The following ANKS1B variants were observed in gnomAD, a reference collection of about 807,000 sequenced individuals.
ANKS1B encodes ankyrin repeat and sterile alpha motif domain containing 1B, also known as ankyrin repeat and sterile alpha motif domain-containing protein 1B.
A neutral mutation model predicts 148.3 loss-of-function variants in ANKS1B; 36 were observed. The ratio of observed to expected loss-of-function variants is 0.24; its 90% CI spans 0.19 to 0.32. ANKS1B has a LOEUF of 0.32. Among genes scored for constraint, ANKS1B ranks in the 10% least tolerant of loss-of-function variants. The pLI, the probability that ANKS1B is intolerant of heterozygous loss-of-function variation, is 1.00. For synonymous variants in ANKS1B, 542 were observed against 560.8 expected (o/e 0.97, Z 0.47); for missense variants, 1,157 against 1,542.6 (o/e 0.75, Z 4.19).
In ANKS1B at chr12:98,860,545, C is replaced by T. The variant is rs2099593904; in HGVS notation, c.2779-28409G>A. ...GACATTATAAGCCCGTCAATGGAAG[C>T]AGAGAGCCACACCATTAATGGTGGA... On this transcript the variant is annotated intron_variant, in intron 17 of 26. Transcript: ENST00000683438. Among the ~76,000 whole-genome samples the T allele has an allele frequency of 2.0e-5, 3 of 152,176 alleles. No homozygotes were observed. In the South Asian group the frequency reaches 6.2e-4, roughly 32 times the overall value.
chr12:99,249,571 T>A (rs2074302804), intron 12 of ANKS1B, among the ~76,000 whole-genome samples: 1 of 152,218 alleles, frequency 6.6e-6, no homozygotes, highest in South Asian at 2.1e-4. Context: ...ACTTGCTTTT[T>A]CCAGTGGCCA....
At chr12:99,062,510 G>A (rs188443539) in intron 16 of ANKS1B, among the ~76,000 whole-genome samples, 2 of 152,182 alleles carry the variant, frequency 1.3e-5, no homozygotes, top group East Asian at 1.9e-4. Flanking sequence ...AAGAAATGGG[G>A]GAAATAAGAG....
chr12:99,827,691 C>A (rs188578892), intron 1 of ANKS1B, among the ~76,000 whole-genome samples: 1 of 152,290 alleles, frequency 6.6e-6, no homozygotes, highest in Non-Finnish European at 1.5e-5. Flanking sequence ...ACCACAATGA[C>A]ATGCTACTAT....
At chr12:99,903,488 G>A (rs138678952) in intron 1 of ANKS1B, among the ~76,000 whole-genome samples, 1 of 152,208 alleles carries the variant, frequency 6.6e-6, no homozygotes, top group Non-Finnish European at 1.5e-5. Flanking sequence ...CTGATACCCA[G>A]AGAGAAGCAC....
At chr12:99,507,114 A>G (rs1430130086) in intron 9 of ANKS1B, among the ~76,000 whole-genome samples, 1 of 151,942 alleles carries the variant, frequency 6.6e-6, no homozygotes, top group African/African-American at 2.4e-5. Flanking sequence ...TCAAATGTAA[A>G]TTATTTTGCC....
At chr12:99,247,416 A>T (rs1215315517) in intron 12 of ANKS1B, among the ~76,000 whole-genome samples, 1 of 152,234 alleles carries the variant, frequency 6.6e-6, no homozygotes, top group Non-Finnish European at 1.5e-5. Flanking sequence ...AAATAATTCT[A>T]TGCAGATTAC....
intron 8 of ANKS1B, among the ~76,000 whole-genome samples, chr12:99,768,803 G>A (rs1000133203): frequency 7.8e-6 from 1 of 128,816 alleles, no homozygotes; most frequent in Non-Finnish European, 1.6e-5. Context: ...TCCAGCCTGC[G>A]ACAGAGCACG....
chr12:99,316,203 G>A (rs1005268387), intron 12 of ANKS1B, among the ~76,000 whole-genome samples: 20 of 152,284 alleles, frequency 1.3e-4, no homozygotes, highest in Admixed American at 7.2e-4. Context: ...GGATTGCTGG[G>A]TCAAATGGTA....
In ANKS1B at chr12:99,309,636, T is replaced by C. The variant is rs111934717; in HGVS notation, c.1757-62772A>G. Among the ~76,000 whole-genome samples, 232 of 152,172 alleles carry C rather than the reference T, an allele frequency of 1.5e-3. 1 individual carries two copies. Among genetic ancestry groups the C allele is most frequent in the African/African-American group, 5.0e-3 (209 of 41,564 alleles). On this transcript the variant is annotated intron_variant, in intron 12 of 26. Coordinates refer to ENST00000683438, the MANE Select transcript of ANKS1B (RefSeq NM_001352186.2). ...TCACACATAAATACATAAATATACA[T>C]GCATATAAAATAAAATATAAATAAT...
At chr12:99,933,878 T>C (rs1156355737) in intron 1 of ANKS1B, among the ~76,000 whole-genome samples, 3 of 152,162 alleles carry the variant, frequency 2.0e-5, no homozygotes, top group Non-Finnish European at 2.9e-5. Context: ...TGTGGGTCTG[T>C]TGTATATTGC....
chr12:98,817,365 G>A (rs1295322878), intron 19 of ANKS1B, among the ~76,000 whole-genome samples: 3 of 152,230 alleles, frequency 2.0e-5, no homozygotes, highest in South Asian at 2.1e-4. Context: ...AAGGGGTAAC[G>A]CACCAAACAC....
intron 14 of ANKS1B, among the ~76,000 whole-genome samples, chr12:99,155,286 T>C (rs2075881382): frequency 1.3e-5 from 2 of 152,322 alleles, no homozygotes; most frequent in South Asian, 4.1e-4. Flanking sequence ...AGAATAATTA[T>C]TCTGTTTCTT....
chr12:99,238,374 G>C (rs1054511022), intron 14 of ANKS1B, among the ~76,000 whole-genome samples: 3 of 152,160 alleles, frequency 2.0e-5, no homozygotes, highest in Admixed American at 1.3e-4. Context: ...TGAGGCTTGA[G>C]TAGCTCACAG....
chr12:99,953,293 A>G (rs1406108656), intron 1 of ANKS1B, among the ~76,000 whole-genome samples: 2 of 152,190 alleles, frequency 1.3e-5, no homozygotes, highest in Non-Finnish European at 2.9e-5. Flanking sequence ...GTTTCAAGAG[A>G]AAAAAAGACA....
intron 3 of ANKS1B, among the ~76,000 whole-genome samples, chr12:99,808,567 T>C (rs1254018337): frequency 1.3e-5 from 2 of 152,094 alleles, no homozygotes; most frequent in Non-Finnish European, 2.9e-5. Flanking sequence ...AGTATTACTA[T>C]AATCTACTTC....
In ANKS1B at chr12:99,443,676, G is replaced by T. The variant is rs1410179999; in HGVS notation, c.1572C>A (p.Pro524=). 1.3e-5 allele frequency: 21 copies of T among 1,611,232 alleles called. No individual in the cohort carries two copies. Among genetic ancestry groups the T allele is most frequent in the Non-Finnish European group, 1.7e-5 (20 of 1,178,372 alleles). The part of the protein sequence containing the change: ...ALKNIVKVIR[P]QPKQRTSIVS... ...TGATGCCATTCTGGGCACTTACCTG[G>T]GGTCGAATGACTTTTACAATATTTT... is the stretch of plus-strand genomic sequence containing the variant. Residue 524 remains proline (P), a synonymous_variant, in exon 11 of 27, where the codon CCC becomes CCA. Coordinates refer to ENST00000683438, the MANE Select transcript of ANKS1B (RefSeq NM_001352186.2).
At chr12:99,906,584 C>T (rs557749433) in intron 1 of ANKS1B, among the ~76,000 whole-genome samples, 14 of 152,268 alleles carry the variant, frequency 9.2e-5, no homozygotes, top group Admixed American at 3.9e-4. Context: ...TCTTCTTCTC[C>T]TTTAAGCTGC....
At chr12:99,581,829 T>C (rs2097572719) in intron 9 of ANKS1B, among the ~76,000 whole-genome samples, 1 of 147,528 alleles carries the variant, frequency 6.8e-6, no homozygotes, top group Admixed American at 6.9e-5. Flanking sequence ...AAGCGGAGCT[T>C]GCAGTGAGCC....
intron 1 of ANKS1B, among the ~76,000 whole-genome samples, chr12:99,922,417 G>T (rs772007261): frequency 2.0e-5 from 3 of 151,978 alleles, no homozygotes; most frequent in Admixed American, 6.6e-5. Flanking sequence ...TCTAACAAGA[G>T]TAGGAAAAAA....
Sources: gnomAD v4.1 joint callset for allele counts (sites outside exome capture counted in the v4.1 genomes callset) on GRCh38, gnomAD v4.1.1 for gene constraint, MANE v1.5 for transcripts, NCBI Gene and HGNC (gene_info 2026-07-23, HGNC 2026-07-21) for gene names.